Variants in TM9SF3 observed in about 807,000 individuals in gnomAD.
TM9SF3 encodes the protein SM-11044-binding protein.
TM9SF3 carries 14 observed loss-of-function variants against 78.6 expected under a neutral mutation model. The observed-to-expected ratio is 0.18, with a 90% CI of 0.12 to 0.28. The LOEUF is 0.28. TM9SF3 is among the 10% of genes least tolerant of loss of function. The pLI is 1.00. For missense variants in TM9SF3, 496 were observed against 721.9 expected (o/e 0.69, Z 3.59); for synonymous variants, 231 against 241.7 (o/e 0.96, Z 0.41).
intron 9 of TM9SF3, 116 bp from the exon 10 acceptor site, chr10:96,533,306 T>A: frequency 7.8e-7 from 1 of 1,283,316 alleles, no homozygotes. Context: ...TTAAGTTCAA[T>A]ATGAGCTAAA....
chr10:96,529,392 A>G (rs961275824), intron 11 of TM9SF3, among the ~76,000 whole-genome samples: 2 of 152,164 alleles, frequency 1.3e-5, no homozygotes, highest in Non-Finnish European at 2.9e-5. Flanking sequence ...TATAAAAATT[A>G]TGTTGAATGC....
rs1162774324 is a variant in TM9SF3 at position 96,534,824 on chromosome 10, T to C, written c.1186-1634A>G. On this transcript the variant is annotated intron_variant, in intron 9 of 14. Coordinates refer to ENST00000371142, the MANE Select transcript of TM9SF3 (RefSeq NM_020123.4). ...ATACCAAATATCAGTATACTGGAGA[T>C]ATCACAGCCAGGTTAACTCATTTTC... 3.3e-5 allele frequency among the ~76,000 whole-genome samples: 5 copies of C among 152,322 alleles called. No individual in the cohort carries two copies. The East Asian group carries it at 9.6e-4, about 29-fold the overall frequency.
In TM9SF3 at chr10:96,559,677, C is replaced by T. The variant is rs549282274; in HGVS notation, c.642G>A (p.Pro214=). The part of the protein sequence containing the change: ...FEDRFDKYLD[P]SFFQHRIHWF... ...TACCTACCCGATGTTGAAAAAAGGA[C>T]GGATCAAGATATTTGTCAAATCGAT... Residue 214 remains proline, a synonymous_variant, in exon 5 of 15, where the codon CCG becomes CCA. Coordinates refer to ENST00000371142, the MANE Select transcript of TM9SF3 (RefSeq NM_020123.4). 1.6e-5 allele frequency: 26 copies of T among 1,591,464 alleles called. No individual in the cohort carries two copies. Among genetic ancestry groups the T allele is most frequent in the African/African-American group, 1.5e-4 (11 of 74,648 alleles).
chr10:96,565,853 C>T (rs1248369349), intron 2 of TM9SF3, among the ~76,000 whole-genome samples: 1 of 152,086 alleles, frequency 6.6e-6, no homozygotes, highest in African/African-American at 2.4e-5. Context: ...CTGAGATAAA[C>T]ACTGATTTTA....
intron 2 of TM9SF3, among the ~76,000 whole-genome samples, chr10:96,567,510 T>C (rs1280974011): frequency 6.6e-6 from 1 of 152,188 alleles, no homozygotes; most frequent in African/African-American, 2.4e-5. Context: ...TGTGCTCTCT[T>C]GGCCTCTGAA....
chr10:96,547,586 T>C lies in TM9SF3; in HGVS notation c.1054+309A>G, dbSNP rs569149846. On this transcript the variant is annotated intron_variant, in intron 8 of 14. Transcript: ENST00000371142. ...AATATCTCACAGTAGGCCAGACACTTTGGGAGGCCGAATCACTTGAGGTCA... is the reference window on the plus strand; with the variant it reads ...AATATCTCACAGTAGGCCAGACACTCTGGGAGGCCGAATCACTTGAGGTCA... 2.2e-5 allele frequency among the ~76,000 whole-genome samples: 3 copies of C among 133,538 alleles called. No individual in the cohort carries two copies. In the South Asian group the frequency reaches 8.1e-4, roughly 36 times the overall value. The allele number at this position is 133,538 out of a possible 152,430, so 87.6% of individuals were successfully genotyped here.
chr10:96,569,892 C>A (rs550362257), intron 2 of TM9SF3, among the ~76,000 whole-genome samples: 1 of 152,190 alleles, frequency 6.6e-6, no homozygotes, highest in African/African-American at 2.4e-5. Context: ...ATCAGCTTGG[C>A]GTGGTGGCGT....
In TM9SF3 at chr10:96,528,065, T is replaced by C. The variant is rs766891663; in HGVS notation, c.1507A>G (p.Thr503Ala). 3 of 1,612,458 alleles carry C rather than the reference T, an allele frequency of 1.9e-6. No individual in the cohort carries two copies. In the African/African-American group the frequency reaches 4.0e-5, roughly 22 times the overall value. The part of the protein sequence containing the change: ...IVTVCVTIVC[T>A]YFLLNAEDYR... ...TCTTCTGCATTTAGTAGAAAATATG[T>C]GCACACAATAGTCACACAGACAGTC... The change falls in exon 12 of 15, where the codon ACA (threonine) becomes GCA (alanine). Residue 503 changes from threonine (T) to alanine (A), a missense_variant. Thr to Ala is a moderately conservative substitution (Grantham distance 58). Transcript: ENST00000371142.
chr10:96,531,025 A>T (rs1315610438), intron 10 of TM9SF3, among the ~76,000 whole-genome samples: 1 of 152,208 alleles, frequency 6.6e-6, no homozygotes, highest in African/African-American at 2.4e-5. Context: ...TGGCCTTGCC[A>T]TCTCTTTGCT....
intron 5 of TM9SF3, among the ~76,000 whole-genome samples, chr10:96,558,066 C>A (rs546684877): frequency 6.6e-6 from 1 of 152,156 alleles, no homozygotes. Flanking sequence ...ATACAGTATA[C>A]CATTCCATAG....
Position 96,518,963 on chromosome 10 carries a change from A to C in TM9SF3, c.*3300T>G, listed in dbSNP as rs2134124012. On this transcript the variant is annotated 3_prime_UTR_variant, in exon 15 of 15. Transcript: ENST00000371142. ...TTCCAATAAACCAATAGAATGAAGC[A>C]CTAAGACACGGTGAAATCTAAACTT... The C allele has an allele frequency of 6.6e-6, 1 of 152,236 alleles. No homozygotes were observed. The highest frequency in any genetic ancestry group is 2.1e-4 in the South Asian group (1 of 4,832). The allele number at this position is 152,236 out of a possible 1,614,324, so 9.4% of individuals were successfully genotyped here. A position where few individuals can be genotyped will look rare whatever the true frequency, so the allele number is the denominator to read the frequency against.
In TM9SF3 at chr10:96,559,712, T is replaced by G. The variant is rs1208022569; in HGVS notation, c.607A>C (p.Lys203Gln). The stretch of plus-strand genomic sequence containing the variant: ...TATTTGTCAAATCGATCTTCAAATT[T>G]CACATCTGACTTTTTCCATTTTACC... ...YSVKWKKSDV[K>Q]FEDRFDKYLD... The change falls in exon 5 of 15, where the codon AAA (lysine) becomes CAA (glutamine). Residue 203 changes from lysine to glutamine, a missense_variant. By Grantham distance (53) the Lys-to-Gln change is moderately conservative. Around this residue, in one of 4 missense-constraint regions of TM9SF3, gnomAD observed 155 missense variants for 241.6 expected, o/e 0.64. Transcript: ENST00000371142. 6.9e-6 allele frequency: 11 copies of G among 1,589,708 alleles called. No homozygotes were observed. The highest frequency in any genetic ancestry group is 9.4e-6 in the Non-Finnish European group (11 of 1,165,526).
At chr10:96,567,761 T>C (rs1484049809) in intron 2 of TM9SF3, among the ~76,000 whole-genome samples, 3 of 152,212 alleles carry the variant, frequency 2.0e-5, no homozygotes, top group Non-Finnish European at 2.9e-5. Context: ...ATATCCTTTT[T>C]ATCTCCAGCC....
chr10:96,536,426 A>G (rs549399789), intron 9 of TM9SF3, among the ~76,000 whole-genome samples: 2 of 152,320 alleles, frequency 1.3e-5, no homozygotes, highest in East Asian at 3.9e-4. Context: ...CACAAAAATT[A>G]AAAATAAAAA....
chr10:96,553,444 G>A (rs1258921974), intron 5 of TM9SF3, among the ~76,000 whole-genome samples: 1 of 152,152 alleles, frequency 6.6e-6, no homozygotes, highest in Non-Finnish European at 1.5e-5. Flanking sequence ...TCTGGAAAAT[G>A]GAGGAGCTAA....
At chr10:96,544,051 T>G (rs766562146) in intron 9 of TM9SF3, 25 bp downstream of exon 9, 3 of 1,594,254 alleles carry the variant, frequency 1.9e-6, no homozygotes, top group Non-Finnish European at 1.7e-6. Context: ...TTTTTCAGTT[T>G]AAAAGTAAGA....
intron 8 of TM9SF3, among the ~76,000 whole-genome samples, chr10:96,547,096 T>C (rs1013324458): frequency 1.3e-5 from 2 of 152,188 alleles, no homozygotes; most frequent in African/African-American, 4.8e-5. Context: ...AGCAACAGGA[T>C]ATTTAAGACA....
chr10:96,530,481 C>T (rs1847882692), intron 11 of TM9SF3, 59 bp downstream of exon 11: 2 of 1,390,032 alleles, frequency 1.4e-6, no homozygotes, highest in African/African-American at 1.5e-5. Context: ...TTCCCTAACT[C>T]CTAAATTGTC....
At chr10:96,565,196 A>G (rs1848354571) in intron 3 of TM9SF3, 108 bp downstream of exon 3, 1 of 1,059,888 alleles carries the variant, frequency 9.4e-7, no homozygotes, top group African/African-American at 1.6e-5. Flanking sequence ...AAAACAGTGA[A>G]AACACATTTA....
Sources: allele counts gnomAD v4.1 joint callset (sites outside exome capture counted in the v4.1 genomes callset), GRCh38; gene constraint gnomAD v4.1.1; regional missense constraint gnomAD v4.1.1; transcripts MANE v1.5; gene names NCBI Gene and HGNC (gene_info 2026-07-23, HGNC 2026-07-21).